DACH1: variants seen among roughly 807,000 people sequenced by gnomAD.
DACH1 encodes the protein dachshund homolog 1.
DACH1 carries 12 observed loss-of-function variants against 54.2 expected under a neutral mutation model. That is an observed-to-expected ratio of 0.22 (90% CI 0.14 to 0.36). DACH1 has a LOEUF of 0.36. DACH1 is among the 10% of genes least tolerant of loss of function. The pLI is 1.00. For synonymous variants in DACH1, 386 were observed against 366.2 expected, an observed-to-expected ratio of 1.05 and a Z score of -0.62; for missense variants, 805 against 929.8, an observed-to-expected ratio of 0.87 and a Z score of 1.75.
At chr13:71,744,390 A>G (rs1262593863) in intron 1 of DACH1, among the ~76,000 whole-genome samples, 4 of 152,190 alleles carry the variant, frequency 2.6e-5, no homozygotes, top group African/African-American at 9.7e-5. Context: ...CTAGAAAGCA[A>G]CCAGAGGTAA....
intron 3 of DACH1, among the ~76,000 whole-genome samples, chr13:71,590,662 A>T (rs1333633771): frequency 6.6e-6 from 1 of 152,152 alleles, no homozygotes; most frequent in Non-Finnish European, 1.5e-5. Flanking sequence ...AGTTTAGTAA[A>T]TATTCCTGCT....
chr13:71,754,373 G>T (rs959766861), intron 1 of DACH1, among the ~76,000 whole-genome samples: 8 of 152,136 alleles, frequency 5.3e-5, no homozygotes, highest in African/African-American at 1.9e-4. Flanking sequence ...CCCCTTTCAT[G>T]CTATGCAATC....
chr13:71,683,292 AT>A (rs1396108440), intron 1 of DACH1, among the ~76,000 whole-genome samples: 1 of 152,154 alleles, frequency 6.6e-6, no homozygotes, highest in Non-Finnish European at 1.5e-5. Context: ...CTGAATACTA[AT>A]TGGAAGTTAG....
chr13:71,647,527 C>T (rs1315403551), intron 2 of DACH1, among the ~76,000 whole-genome samples: 1 of 152,030 alleles, frequency 6.6e-6, no homozygotes, highest in Non-Finnish European at 1.5e-5. Context: ...CTTTTTAGTC[C>T]TTGAAGAAAT....
intron 3 of DACH1, among the ~76,000 whole-genome samples, chr13:71,625,738 A>G (rs888760731): frequency 6.6e-6 from 1 of 152,010 alleles, no homozygotes; most frequent in East Asian, 1.9e-4. Flanking sequence ...AGGTTTGTTG[A>G]TCAGGGCATT....
Position 71,814,761 on chromosome 13 carries a change from G to A in DACH1, c.848+51161C>T, listed in dbSNP as rs116409857. ...GTTATTTGTGACAATTATGCATCAG[G>A]ATAATGCATGTGTTGTCACATTACT... On this transcript the variant is annotated intron_variant, in intron 1 of 10. Coordinates refer to ENST00000613252, the MANE Select transcript of DACH1 (RefSeq NM_080759.6). 1.2e-3 allele frequency among the ~76,000 whole-genome samples: 180 copies of A among 152,300 alleles called. 1 individual carries two copies. Among genetic ancestry groups the A allele is most frequent in the African/African-American group, 4.1e-3 (172 of 41,562 alleles).
chr13:71,818,014 T>C (rs1397325540), intron 1 of DACH1, among the ~76,000 whole-genome samples: 1 of 152,000 alleles, frequency 6.6e-6, no homozygotes, highest in Non-Finnish European at 1.5e-5. Context: ...GGTTTCACCA[T>C]GCTGGCCAGA....
chr13:71,673,725 G>A (rs753596341), intron 2 of DACH1, among the ~76,000 whole-genome samples: 2 of 151,992 alleles, frequency 1.3e-5, no homozygotes, highest in South Asian at 2.1e-4. Context: ...AAACCGGCAC[G>A]TTCTGCACAT....
rs557366565 is a variant in DACH1 at position 71,612,150 on chromosome 13, C to T, written c.1126+18406G>A. Among the ~76,000 whole-genome samples, 48 of 152,100 alleles carry T rather than the reference C, an allele frequency of 3.2e-4. No homozygotes were observed. The South Asian group carries it at 9.2e-3, about 29-fold the overall frequency. ...CGATCCAAATTTTATTTTACATTCT[C>T]CATAGTGTTATGAGTTATGGCCACA... On this transcript the variant is annotated intron_variant, in intron 3 of 10. Transcript: ENST00000613252.
At chr13:71,834,059 G>A (rs1384451582) in intron 1 of DACH1, among the ~76,000 whole-genome samples, 1 of 151,946 alleles carries the variant, frequency 6.6e-6, no homozygotes, top group Admixed American at 6.6e-5. Flanking sequence ...TACGTCAAAT[G>A]TTCCTTTGTT....
chr13:71,651,680 CTGTATATGTATATGTATA>C (rs57138100), intron 2 of DACH1, among the ~76,000 whole-genome samples: 3,611 of 121,806 alleles, frequency 0.03, 58 homozygotes, highest in Middle Eastern at 0.11. Context: ...GTATCTGTAT[CTGTATATGTATATGTATA>C]TGTATATGTA....
chr13:71,697,618 C>T (rs1881897227), intron 1 of DACH1, among the ~76,000 whole-genome samples: 1 of 152,192 alleles, frequency 6.6e-6, no homozygotes, highest in Admixed American at 6.5e-5. Context: ...CAAATCTAGA[C>T]ACATGTACTT....
In DACH1 at chr13:71,557,169, C is replaced by T. The variant is rs767260732; in HGVS notation, c.1436-11G>A. On this transcript the variant is annotated splice_polypyrimidine_tract_variant and intron_variant, in intron 5 of 10. Transcript: ENST00000613252. Reference sequence around the variant, plus strand: ...CATTCTGATGGACCGCTATTATGGCCCAAAAGAAAACAAACAAAACAAAAC... The same window carrying T: ...CATTCTGATGGACCGCTATTATGGCTCAAAAGAAAACAAACAAAACAAAAC... 6.3e-7 allele frequency: 1 copy of T among 1,586,286 alleles called. No individual in the cohort carries two copies. Among genetic ancestry groups the T allele is most frequent in the Non-Finnish European group, 8.5e-7 (1 of 1,170,308 alleles).
At chr13:71,478,085 TTAAG>T (rs1305924558) in intron 8 of DACH1, among the ~76,000 whole-genome samples, 1 of 152,156 alleles carries the variant, frequency 6.6e-6, no homozygotes, top group Non-Finnish European at 1.5e-5. Flanking sequence ...CTAAACAAAA[TTAAG>T]TGAGAACAAA....
chr13:71,804,632 G>T (rs978558035), intron 1 of DACH1, among the ~76,000 whole-genome samples: 1 of 152,022 alleles, frequency 6.6e-6, no homozygotes, highest in Non-Finnish European at 1.5e-5. Flanking sequence ...ACCTCTTCTT[G>T]CCAAAGCGCT....
At chr13:71,709,932 C>T (rs920362962) in intron 1 of DACH1, among the ~76,000 whole-genome samples, 2 of 152,104 alleles carry the variant, frequency 1.3e-5, no homozygotes, top group African/African-American at 4.8e-5. Flanking sequence ...ACTACAGCCT[C>T]GAATTTCTGG....
chr13:71,745,691 T>C (rs1884573360), intron 1 of DACH1, among the ~76,000 whole-genome samples: 3 of 152,128 alleles, frequency 2.0e-5, no homozygotes, highest in Admixed American at 2.0e-4. Flanking sequence ...CAAAAGACAA[T>C]GTTACAAAGT....
chr13:71,780,685 T>C lies in DACH1; in HGVS notation c.848+85237A>G, dbSNP rs1382078001. 2.0e-5 allele frequency among the ~76,000 whole-genome samples: 3 copies of C among 151,946 alleles called. No homozygotes were observed. In the South Asian group the frequency reaches 6.2e-4, roughly 32 times the overall value. On this transcript the variant is annotated intron_variant, in intron 1 of 10. Transcript: ENST00000613252. ...ATTCTCTTAATGAAAAGAATGTTCC[T>C]CTCTCCCCTCTCTTCCTTCACTTAA... is the stretch of plus-strand genomic sequence containing the variant.
chr13:71,514,598 T>C (rs1435607846), intron 6 of DACH1, among the ~76,000 whole-genome samples: 2 of 151,872 alleles, frequency 1.3e-5, no homozygotes, highest in Non-Finnish European at 2.9e-5. Flanking sequence ...TATATAGTTA[T>C]ATTTCATAAT....
Sources: gnomAD v4.1 joint callset for allele counts (sites outside exome capture counted in the v4.1 genomes callset) on GRCh38, gnomAD v4.1.1 for gene constraint, MANE v1.5 for transcripts, NCBI Gene and HGNC (gene_info 2026-07-23, HGNC 2026-07-21) for gene names.